The following PARD3 variants were observed in gnomAD, a reference collection of about 807,000 sequenced individuals.
The protein encoded by PARD3 is partitioning defective 3 homolog.
PARD3 carries 75 observed loss-of-function variants against 155.4 expected under a neutral mutation model. The observed-to-expected ratio is 0.48, with a 90% CI of 0.40 to 0.58. The LOEUF (loss-of-function observed/expected upper bound fraction) is 0.58, where lower values mean the gene tolerates loss of function less well. PARD3 is among the 20% of genes least tolerant of loss of function. The pLI is 0.00. For synonymous variants in PARD3, 576 were observed against 610.5 expected, an observed-to-expected ratio of 0.94 and a Z score of 0.83; for missense variants, 1,642 against 1,721.7, an observed-to-expected ratio of 0.95 and a Z score of 0.82.
At chr10:34,604,683 T>A (rs1590191741) in intron 2 of PARD3, among the ~76,000 whole-genome samples, 1 of 149,778 alleles carries the variant, frequency 6.7e-6, no homozygotes, top group Non-Finnish European at 1.5e-5. Flanking sequence ...ACATATATAT[T>A]TTCAAGATTA....
chr10:34,444,682 C>A (rs898841817), intron 5 of PARD3, among the ~76,000 whole-genome samples: 3 of 152,188 alleles, frequency 2.0e-5, no homozygotes, highest in Non-Finnish European at 2.9e-5. Flanking sequence ...ATAAGACATA[C>A]AACCTATCTT....
chr10:34,140,567 G>A (rs1948135283), intron 22 of PARD3, among the ~76,000 whole-genome samples: 1 of 152,188 alleles, frequency 6.6e-6, no homozygotes, highest in Non-Finnish European at 1.5e-5. Context: ...TAAAAAGACT[G>A]TGGCTATTCA....
chr10:34,571,508 GA>G (rs1322961978), intron 2 of PARD3, among the ~76,000 whole-genome samples: 1 of 152,118 alleles, frequency 6.6e-6, no homozygotes, highest in Admixed American at 6.5e-5. Context: ...ATCCTGTGAG[GA>G]GGATTAACCA....
chr10:34,512,975 C>T (rs1008230484), intron 3 of PARD3, among the ~76,000 whole-genome samples: 1 of 152,074 alleles, frequency 6.6e-6, no homozygotes. Flanking sequence ...GATACATCTC[C>T]CTTTGTACAA....
intron 12 of PARD3, among the ~76,000 whole-genome samples, chr10:34,362,347 C>T (rs1324627570): frequency 6.6e-6 from 1 of 152,060 alleles, no homozygotes; most frequent in African/African-American, 2.4e-5. Context: ...ACAATTTTAG[C>T]TCAAATAAAA....
chr10:34,110,568 G>A lies in PARD3; in HGVS notation c.*601C>T, dbSNP rs1946343049. The A allele has an allele frequency of 6.6e-6, 1 of 152,228 alleles. No individual in the cohort carries two copies. The highest frequency in any genetic ancestry group is 2.4e-5 in the African/African-American group (1 of 41,430). 9.4% of individuals were successfully genotyped at this position (152,228 alleles called of 1,614,324 possible). On this transcript the variant is annotated 3_prime_UTR_variant, in exon 25 of 25. Transcript: ENST00000374788. ...AAGGCAGTTACAAAAGGACCCCCAT[G>A]GTGACCAAACAATGTTGGACTATGG...
intron 15 of PARD3, among the ~76,000 whole-genome samples, chr10:34,347,372 G>A (rs1414068465): frequency 2.0e-5 from 3 of 152,324 alleles, no homozygotes; most frequent in Non-Finnish European, 4.4e-5. Flanking sequence ...CCCACTGGGG[G>A]CCATGCAGAT....
Position 34,517,023 on chromosome 10 carries a change from T to G in PARD3, c.359A>C (p.Gln120Pro), listed in dbSNP as rs894104179. The G allele has an allele frequency of 6.2e-7, 1 of 1,614,168 alleles. No homozygotes were observed. The change falls in exon 3 of 25, where the codon CAA (glutamine) becomes CCA (proline). Residue 120 changes from glutamine to proline, a missense_variant. By Grantham distance (76) the Gln-to-Pro change is moderately conservative (BLOSUM62 -1). Transcript: ENST00000374788. ...TGTGACCTCAATTTCACTTGTTGCT[T>G]GGTAAGGCTGAAAGGCTGAGACATT... ...TNNVSAFQPY[Q>P]ATSEIEVTPS...
intron 1 of PARD3, among the ~76,000 whole-genome samples, chr10:34,739,299 G>A (rs980934509): frequency 1.3e-5 from 2 of 151,944 alleles, no homozygotes; most frequent in African/African-American, 4.8e-5. Flanking sequence ...ATGAGGTGAG[G>A]GGTACACTCT....
At chr10:34,344,436 C>A in intron 15 of PARD3, 1 of 516,070 alleles carries the variant, frequency 1.9e-6, no homozygotes, top group Non-Finnish European at 2.5e-6. Flanking sequence ...GTGTGCAACA[C>A]AACATCCGGC....
intron 3 of PARD3, among the ~76,000 whole-genome samples, chr10:34,479,383 T>TGACCTC (rs2078925330): frequency 2.6e-5 from 4 of 152,074 alleles, no homozygotes; most frequent in Middle Eastern, 3.4e-3. Flanking sequence ...GAATGGACTC[T>TGACCTC]ATCTCCTGAC....
intron 22 of PARD3, among the ~76,000 whole-genome samples, chr10:34,206,618 G>T (rs909093923): frequency 2.0e-5 from 3 of 152,256 alleles, no homozygotes; most frequent in Non-Finnish European, 4.4e-5. Context: ...TCCCTGGGCA[G>T]TGGGTGGAGA....
chr10:34,597,016 A>G (rs1348578893), intron 2 of PARD3, among the ~76,000 whole-genome samples: 2 of 152,156 alleles, frequency 1.3e-5, no homozygotes, highest in African/African-American at 2.4e-5. Flanking sequence ...CCAAAGAAAC[A>G]CTGAAAACTA....
chr10:34,402,315 G>T lies in PARD3; in HGVS notation c.715-398C>A, dbSNP rs144812704. On this transcript the variant is annotated intron_variant, in intron 5 of 24. Coordinates refer to ENST00000374788, the MANE Select transcript of PARD3 (RefSeq NM_001184785.2). Reference sequence around the variant, plus strand: ...AATATACATGACATTGGAAATGCATGTCTGAAAACAGCTTCCTACTCAAAA... The same window carrying T: ...AATATACATGACATTGGAAATGCATTTCTGAAAACAGCTTCCTACTCAAAA... 5.7e-3 allele frequency among the ~76,000 whole-genome samples: 860 copies of T among 152,186 alleles called. 5 individuals carry two copies. Among genetic ancestry groups the T allele is most frequent in the African/African-American group, 0.019 (794 of 41,530 alleles).
chr10:34,696,645 G>A (rs1050510309), intron 1 of PARD3, among the ~76,000 whole-genome samples: 3 of 150,988 alleles, frequency 2.0e-5, no homozygotes. Flanking sequence ...CTCTGATGCT[G>A]ATACTCTATT....
At chr10:34,572,796 A>AT (rs1036985343) in intron 2 of PARD3, among the ~76,000 whole-genome samples, 78 of 149,904 alleles carry the variant, frequency 5.2e-4, no homozygotes, top group Admixed American at 1.5e-3. Context: ...ATATGGCCTG[A>AT]TTTTTTTTTT....
At chr10:34,388,655 A>G (rs999183070) in intron 7 of PARD3, among the ~76,000 whole-genome samples, 1 of 152,254 alleles carries the variant, frequency 6.6e-6, no homozygotes, top group Non-Finnish European at 1.5e-5. Context: ...AAGTAATCAA[A>G]GCAAATGAAG....
intron 1 of PARD3, among the ~76,000 whole-genome samples, chr10:34,798,508 C>T (rs954194643): frequency 2.0e-5 from 3 of 151,778 alleles, no homozygotes; most frequent in African/African-American, 7.3e-5. Flanking sequence ...AGTTCAAGAC[C>T]ACCCTGACCA....
At chr10:34,747,203 C>CT (rs1403644552) in intron 1 of PARD3, among the ~76,000 whole-genome samples, 2 of 152,122 alleles carry the variant, frequency 1.3e-5, no homozygotes, top group African/African-American at 4.8e-5. Flanking sequence ...GCTTTTTTGG[C>CT]TTTTTTTCTT....
Sources: allele counts gnomAD v4.1 joint callset (sites outside exome capture counted in the v4.1 genomes callset), GRCh38; gene constraint gnomAD v4.1.1; transcripts MANE v1.5; gene names NCBI Gene and HGNC (gene_info 2026-07-23, HGNC 2026-07-21).